Variants in SPMIP2 observed in about 807,000 individuals in gnomAD.
SPMIP2 encodes the protein sperm microtubule inner protein 2, also known as protein SPMIP2.
At chr4:158,902,955 C>CGGCTCCCTGTCT in the SPMIP2 span, among the ~76,000 whole-genome samples, 247 of 152,286 alleles carry the variant, frequency 1.6e-3, no homozygotes, top group African/African-American at 5.5e-3. Flanking sequence ...CCAGACCACT[C>CGGCTCCCTGTCT]GGCTCCCTGG....
At chr4:158,977,625 T>TTTTC in the SPMIP2 span, among the ~76,000 whole-genome samples, 1 of 104,334 alleles carries the variant, frequency 9.6e-6, no homozygotes, top group Non-Finnish European at 1.9e-5. Flanking sequence ...TTTTTTTTTT[T>TTTTC]TCTCTTTGAG....
the SPMIP2 span, among the ~76,000 whole-genome samples, chr4:158,962,670 G>A: frequency 6.6e-6 from 1 of 152,080 alleles, no homozygotes; most frequent in Non-Finnish European, 1.5e-5. Flanking sequence ...GTTGCAGCAG[G>A]GTCACCAAAT....
chr4:158,995,877 A>G, the SPMIP2 span, among the ~76,000 whole-genome samples: 4 of 149,660 alleles, frequency 2.7e-5, no homozygotes, highest in African/African-American at 7.4e-5. Context: ...AAAAAAAAAA[A>G]AGAGAAAACA....
chr4:158,905,569 A>G, the SPMIP2 span: 1 of 152,144 alleles, frequency 6.6e-6, no homozygotes, highest in Non-Finnish European at 1.5e-5. Flanking sequence ...AAATTCATAT[A>G]TGATCTAAAT....
the SPMIP2 span, among the ~76,000 whole-genome samples, chr4:158,933,720 A>G: frequency 6.6e-6 from 1 of 151,330 alleles, no homozygotes; most frequent in Non-Finnish European, 1.5e-5. Flanking sequence ...TATTTCATCT[A>G]TATTTCTTTT....
chr4:158,935,747 G>A, the SPMIP2 span, among the ~76,000 whole-genome samples: 1 of 152,328 alleles, frequency 6.6e-6, no homozygotes, highest in African/African-American at 2.4e-5. Context: ...GGGGTAAGAA[G>A]ATAAAATAGG....
At chr4:158,917,545 C>G in the SPMIP2 span, among the ~76,000 whole-genome samples, 4 of 151,948 alleles carry the variant, frequency 2.6e-5, no homozygotes, top group African/African-American at 9.7e-5. Flanking sequence ...AAAGAAGCTG[C>G]ACTCTGAGCA....
the SPMIP2 span, among the ~76,000 whole-genome samples, chr4:159,079,207 T>G: frequency 1.3e-5 from 2 of 152,142 alleles, no homozygotes; most frequent in Admixed American, 1.3e-4. Context: ...ATTCATGTGT[T>G]GACATCCTAA....
chr4:158,940,878 G>T, the SPMIP2 span, among the ~76,000 whole-genome samples: 2 of 152,114 alleles, frequency 1.3e-5, no homozygotes, highest in Non-Finnish European at 2.9e-5. Context: ...TCCAAGTTTG[G>T]CTCCTAAGTC....
chr4:158,994,117 A>G, the SPMIP2 span, among the ~76,000 whole-genome samples: 14 of 152,180 alleles, frequency 9.2e-5, no homozygotes, highest in Non-Finnish European at 2.1e-4. Context: ...TCTTTTCTAT[A>G]TCAAATTTAC....
the SPMIP2 span, among the ~76,000 whole-genome samples, chr4:159,062,697 G>GTCTCTCTCTCTCTCTCTCTCTATCTCTC: frequency 1.1e-5 from 1 of 95,112 alleles, no homozygotes; most frequent in East Asian, 4.5e-4. Context: ...TTGAAACAGG[G>GTCTCTCTCTCTCTCTCTCTCTATCTCTC]TCTCTCTCTC....
chr4:159,064,624 C>T, the SPMIP2 span, among the ~76,000 whole-genome samples: 147,104 of 152,288 alleles, frequency 0.97, 71,264 homozygotes, highest in East Asian at 1. Context: ...CTAACACTTA[C>T]AATGTCTATG....
chr4:158,964,192 A>AAAACAAAACAAAACAAAAC, the SPMIP2 span, among the ~76,000 whole-genome samples: 2 of 120,796 alleles, frequency 1.7e-5, no homozygotes, highest in African/African-American at 6.2e-5. Flanking sequence ...CAAAACAAAA[A>AAAACAAAACAAAACAAAAC]ACATGTGGAG....
the SPMIP2 span, chr4:158,893,564 G>T: frequency 1.5e-6 from 1 of 682,426 alleles, no homozygotes; most frequent in Non-Finnish European, 2.5e-6. Context: ...TGGGCTTTAA[G>T]CTGAAGCGTA....
At chr4:158,999,452 T>C in the SPMIP2 span, among the ~76,000 whole-genome samples, 1 of 152,228 alleles carries the variant, frequency 6.6e-6, no homozygotes, top group Admixed American at 6.5e-5. Context: ...CAGTAAGTGG[T>C]ATTTCTCAAC....
chr4:158,917,155 C>A, the SPMIP2 span, among the ~76,000 whole-genome samples: 1 of 152,212 alleles, frequency 6.6e-6, no homozygotes, highest in African/African-American at 2.4e-5. Context: ...GAGGCCGAGG[C>A]AGGAGAATCA....
At chr4:159,061,449 T>G in the SPMIP2 span, among the ~76,000 whole-genome samples, 5 of 152,084 alleles carry the variant, frequency 3.3e-5, no homozygotes, top group South Asian at 1.0e-3. Context: ...GGGAGACACA[T>G]GGCATGGGCG....
the SPMIP2 span, among the ~76,000 whole-genome samples, chr4:158,950,944 A>G: frequency 6.6e-6 from 1 of 152,116 alleles, no homozygotes; most frequent in Non-Finnish European, 1.5e-5. Context: ...GGGAATGTTA[A>G]AGGGTTCACA....
chr4:158,926,060 T>C, the SPMIP2 span, among the ~76,000 whole-genome samples: 32 of 152,216 alleles, frequency 2.1e-4, no homozygotes, highest in Non-Finnish European at 1.5e-5. Flanking sequence ...TTGAGGACTT[T>C]AACATATGAA....
Sources: gnomAD v4.1 joint callset for allele counts (sites outside exome capture counted in the v4.1 genomes callset) on GRCh38, gnomAD v4.1.1 for gene constraint, MANE v1.5 for transcripts, NCBI Gene and HGNC (gene_info 2026-07-23, HGNC 2026-07-21) for gene names.